Variants in DSCAM observed in about 807,000 individuals in gnomAD.
DSCAM encodes the protein DS cell adhesion molecule.
Under a neutral mutation model 217.7 loss-of-function variants are expected in DSCAM, and 47 were observed. The ratio of observed to expected loss-of-function variants is 0.22; its 90% CI spans 0.17 to 0.28. DSCAM has a LOEUF of 0.28. DSCAM is among the 10% of genes least tolerant of loss of function. The probability of loss-of-function intolerance (pLI) is 1.00; values close to 1 mark genes in which losing one functional copy is unlikely to be tolerated. For synonymous variants in DSCAM, 1,056 were observed against 1,015.3 expected, an observed-to-expected ratio of 1.04 and a Z score of -0.76; for missense variants, 2,080 against 2,618.3, an observed-to-expected ratio of 0.79 and a Z score of 4.49.
intron 3 of DSCAM, among the ~76,000 whole-genome samples, chr21:40,407,819 A>G (rs760122): frequency 0.79 from 119,467 of 152,178 alleles, 47,059 homozygotes; most frequent in African/African-American, 0.85. Context: ...CTGTCCCAAA[A>G]ACTTATTAAT....
chr21:40,602,053 CTTTTTT>C (rs761687929), intron 3 of DSCAM, among the ~76,000 whole-genome samples: 5 of 89,520 alleles, frequency 5.6e-5, no homozygotes, highest in African/African-American at 2.4e-4. Flanking sequence ...TCTGCTTCTA[CTTTTTT>C]TTTTTTTTTT....
At chr21:40,703,600 T>C (rs2090681075) in intron 2 of DSCAM, among the ~76,000 whole-genome samples, 1 of 152,150 alleles carries the variant, frequency 6.6e-6, no homozygotes, top group Admixed American at 6.5e-5. Flanking sequence ...CATTCTTATC[T>C]TTGTTCCTTT....
rs116732560 is a variant in DSCAM at position 40,475,056 on chromosome 21, T to C, written c.509-105811A>G. Among the ~76,000 whole-genome samples, 381 of 152,218 alleles carry C rather than the reference T, an allele frequency of 2.5e-3. 1 individual carries two copies. The highest frequency in any genetic ancestry group is 8.9e-3 in the African/African-American group (369 of 41,548). On this transcript the variant is annotated intron_variant, in intron 3 of 32. Coordinates refer to ENST00000400454, the MANE Select transcript of DSCAM (RefSeq NM_001389.5). Reference sequence around the variant, plus strand: ...CTGTTGCCTCACCTACCCTGGATGCTGAAGTTGGAGAGCACTTAAGGTTTC... The same window carrying C: ...CTGTTGCCTCACCTACCCTGGATGCCGAAGTTGGAGAGCACTTAAGGTTTC...
intron 32 of DSCAM, among the ~76,000 whole-genome samples, chr21:40,014,829 T>TC (rs1401089432): frequency 4.6e-5 from 7 of 152,236 alleles, no homozygotes; most frequent in African/African-American, 1.7e-4. Context: ...TCTTTCACCA[T>TC]CAGCTACTGA....
At chr21:40,157,846 C>T (rs1282451635) in intron 16 of DSCAM, among the ~76,000 whole-genome samples, 8 of 152,036 alleles carry the variant, frequency 5.3e-5, no homozygotes, top group Non-Finnish European at 1.2e-4. Context: ...AGGCACACAC[C>T]ACCACACCCA....
At chr21:40,281,983 TGA>T (rs1404883825) in intron 10 of DSCAM, among the ~76,000 whole-genome samples, 2 of 152,328 alleles carry the variant, frequency 1.3e-5, no homozygotes, top group East Asian at 3.9e-4. Context: ...AACCATATAT[TGA>T]GATAATCATT....
At chr21:40,515,462 C>T (rs7278582) in intron 3 of DSCAM, among the ~76,000 whole-genome samples, 2,605 of 152,234 alleles carry the variant, frequency 0.017, 58 homozygotes, top group African/African-American at 0.04. Flanking sequence ...CATGATGTCT[C>T]TTTCTCCCCA....
intron 11 of DSCAM, among the ~76,000 whole-genome samples, chr21:40,226,987 G>A (rs1489737341): frequency 6.6e-6 from 1 of 152,110 alleles, no homozygotes; most frequent in African/African-American, 2.4e-5. Flanking sequence ...ACTTGTAAGT[G>A]AGAACATGTA....
At chr21:40,482,115 A>G (rs2075988388) in intron 3 of DSCAM, among the ~76,000 whole-genome samples, 1 of 152,202 alleles carries the variant, frequency 6.6e-6, no homozygotes, top group African/African-American at 2.4e-5. Flanking sequence ...TTATTTGTAC[A>G]TGAAAATGGC....
chr21:40,193,918 G>T (rs1202409002), intron 11 of DSCAM, among the ~76,000 whole-genome samples: 1 of 152,214 alleles, frequency 6.6e-6, no homozygotes, highest in Non-Finnish European at 1.5e-5. Flanking sequence ...TCCAAGGCTG[G>T]TGTTGACCCA....
intron 28 of DSCAM, among the ~76,000 whole-genome samples, chr21:40,056,273 G>A (rs979215222): frequency 3.3e-5 from 5 of 152,266 alleles, no homozygotes; most frequent in Middle Eastern, 3.4e-3. Flanking sequence ...GCTGTTTGTC[G>A]GATGGGAGTT....
chr21:40,205,229 C>T (rs76231508), intron 11 of DSCAM, among the ~76,000 whole-genome samples: 212 of 151,780 alleles, frequency 1.4e-3, no homozygotes, highest in African/African-American at 5.0e-3. Flanking sequence ...GAAGATTCAG[C>T]TCCAAGGAAG....
At chr21:40,463,161 C>T (rs535834035) in intron 3 of DSCAM, among the ~76,000 whole-genome samples, 2 of 152,024 alleles carry the variant, frequency 1.3e-5, no homozygotes, top group Non-Finnish European at 2.9e-5. Flanking sequence ...CCTTAGGATA[C>T]TAAAATGATG....
chr21:40,096,875 C>G (rs1374093983), intron 20 of DSCAM, among the ~76,000 whole-genome samples: 1 of 152,010 alleles, frequency 6.6e-6, no homozygotes, highest in Non-Finnish European at 1.5e-5. Flanking sequence ...GGTAAGAAGA[C>G]AGTGGAATGA....
rs2076440191 is a variant in DSCAM, at chr21:40,530,917, T to TCAAACATCCATCCATCCATCCATC, written c.509-161673_509-161672insGATGGATGGATGGATGGATGTTTG. 5.1e-5 allele frequency among the ~76,000 whole-genome samples: 4 copies of TCAAACATCCATCCATCCATCCATC among 78,874 alleles called. No individual in the cohort carries two copies. In the South Asian group the frequency reaches 2.0e-3, roughly 40 times the overall value. The allele number at this position is 78,874 out of a possible 152,430, so 51.7% of individuals were successfully genotyped here. On this transcript the variant is annotated intron_variant, in intron 3 of 32. Transcript: ENST00000400454. ...TCCATCCATCCATCCATCCATCCAT[T>TCAAACATCCATCCATCCATCCATC]CAACCATCCATCCATCCATCCATCC...
At chr21:40,449,955 T>C (rs182313893) in intron 3 of DSCAM, among the ~76,000 whole-genome samples, 53 of 152,298 alleles carry the variant, frequency 3.5e-4, no homozygotes, top group Admixed American at 3.5e-3. Context: ...AAGGCAGAAA[T>C]AAAATTTAAT....
At chr21:40,300,050 T>C (rs2837563) in intron 9 of DSCAM, among the ~76,000 whole-genome samples, 1 of 151,496 alleles carries the variant, frequency 6.6e-6, no homozygotes, top group African/African-American at 2.4e-5. Context: ...GCTTGCTTAT[T>C]AAAGAGAGGA....
At chr21:40,621,381 A>C (rs1238959793) in intron 3 of DSCAM, 1 of 152,162 alleles carries the variant, frequency 6.6e-6, no homozygotes, top group Non-Finnish European at 1.5e-5. Context: ...GACTACTATC[A>C]CATGAGGTGA....
At chr21:40,373,382 GGA>G (rs146188895) in intron 3 of DSCAM, among the ~76,000 whole-genome samples, 11,442 of 152,114 alleles carry the variant, frequency 0.075, 742 homozygotes, top group Admixed American at 0.23. Context: ...AATGCAAAAA[GGA>G]GAGAGACAGC....
Sources: allele counts gnomAD v4.1 joint callset (sites outside exome capture counted in the v4.1 genomes callset), GRCh38; gene constraint gnomAD v4.1.1; transcripts MANE v1.5; gene names NCBI Gene and HGNC (gene_info 2026-07-23, HGNC 2026-07-21).